The following KCNAB1 variants were observed in gnomAD, a reference collection of about 807,000 sequenced individuals.
KCNAB1 encodes the protein potassium voltage-gated channel subfamily A regulatory beta subunit 1.
KCNAB1 carries 35 observed loss-of-function variants against 64.6 expected under a neutral mutation model. The ratio of observed to expected loss-of-function variants is 0.54; its 90% confidence interval spans 0.41 to 0.72. The LOEUF (loss-of-function observed/expected upper bound fraction) is 0.72, where lower values mean the gene tolerates loss of function less well. Ranked by LOEUF, KCNAB1 falls within the 30% of genes least tolerant of loss-of-function variation. KCNAB1 has a pLI of 0.00. For synonymous variants in KCNAB1, 177 were observed against 183.8 expected (o/e 0.96, Z 0.30); for missense variants, 401 against 512.9 (o/e 0.78, Z 2.11).
rs1713543808 is a variant in KCNAB1, at chr3:156,124,609, ATATT to A, written c.275+3732_275+3735del. Among the ~76,000 whole-genome samples, 4 of 152,248 alleles carry A rather than the reference ATATT, an allele frequency of 2.6e-5. No individual in the cohort carries two copies. The South Asian group carries it at 8.3e-4, about 32-fold the overall frequency. On this transcript the variant is annotated intron_variant, in intron 1 of 13. Transcript: ENST00000490337. The stretch of plus-strand genomic sequence containing the variant: ...CACATATACAGAGATATGCAAATAT[ATATT>A]TATTTATTCTTAATGAATATTATCC...
intron 1 of KCNAB1, among the ~76,000 whole-genome samples, chr3:156,372,045 A>T (rs1282595002): frequency 1.3e-5 from 2 of 152,210 alleles, no homozygotes; most frequent in African/African-American, 4.8e-5. Context: ...GCAGTTACAG[A>T]TTAATTACTT....
intron 8 of KCNAB1, among the ~76,000 whole-genome samples, chr3:156,512,992 C>A (rs1717312189): frequency 6.6e-6 from 1 of 152,224 alleles, no homozygotes; most frequent in African/African-American, 2.4e-5. Flanking sequence ...GTGGGAGGAT[C>A]ACGAGGTCAG....
At chr3:156,258,864 T>C (rs971550507) in intron 1 of KCNAB1, among the ~76,000 whole-genome samples, 1 of 152,194 alleles carries the variant, frequency 6.6e-6, no homozygotes, top group Non-Finnish European at 1.5e-5. Context: ...TGCTGTTGAG[T>C]GAGCCAGCAC....
In KCNAB1 at chr3:156,376,998, ATAAT is replaced by A. The variant is rs1407183741; in HGVS notation, c.276-44614_276-44611del. ...AACAGCAAAAAAAAAGTAAAATAAA[ATAAT>A]TAACCATTGGTTTTCAGAATGAAGC... On this transcript the variant is annotated intron_variant, in intron 1 of 13. Coordinates refer to ENST00000490337, the MANE Select transcript of KCNAB1 (RefSeq NM_172160.3). 5.3e-5 allele frequency among the ~76,000 whole-genome samples: 8 copies of A among 152,326 alleles called. No homozygotes were observed. The South Asian group carries it at 8.3e-4, about 16-fold the overall frequency.
rs149009971 is a variant in KCNAB1 at position 156,453,935 on chromosome 3, T to C, written c.357+999T>C. On this transcript the variant is annotated intron_variant, in intron 3 of 13. Coordinates refer to ENST00000490337, the MANE Select transcript of KCNAB1 (RefSeq NM_172160.3). Reference sequence around the variant, plus strand: ...GAGATGATGCCTGTAAAGTGCTTAGTGGGGTACCTGGCCCAGAATAAGCCC... The same window carrying C: ...GAGATGATGCCTGTAAAGTGCTTAGCGGGGTACCTGGCCCAGAATAAGCCC... 7.2e-4 allele frequency among the ~76,000 whole-genome samples: 110 copies of C among 152,352 alleles called. No individual in the cohort carries two copies. The East Asian group carries it at 0.018, about 25-fold the overall frequency.
intron 1 of KCNAB1, among the ~76,000 whole-genome samples, chr3:156,249,383 C>G (rs1321609165): frequency 6.6e-6 from 1 of 151,816 alleles, no homozygotes; most frequent in East Asian, 1.9e-4. Flanking sequence ...GCCAGCCTGG[C>G]CAACCTGGCG....
intron 1 of KCNAB1, among the ~76,000 whole-genome samples, chr3:156,346,510 A>G (rs1352397330): frequency 6.6e-6 from 1 of 152,182 alleles, no homozygotes; most frequent in Non-Finnish European, 1.5e-5. Flanking sequence ...ACCTGGTGGG[A>G]AGGGGCATAG....
intron 1 of KCNAB1, among the ~76,000 whole-genome samples, chr3:156,161,089 C>T (rs1278703940): frequency 2.6e-5 from 4 of 152,164 alleles, no homozygotes; most frequent in Admixed American, 2.6e-4. Context: ...CTCCTTAAAC[C>T]ACTCCATTTC....
intron 1 of KCNAB1, among the ~76,000 whole-genome samples, chr3:156,412,996 G>A (rs1271947873): frequency 6.6e-6 from 1 of 152,224 alleles, no homozygotes; most frequent in Non-Finnish European, 1.5e-5. Context: ...GGTCTAAAGT[G>A]CTGGAGTTAC....
chr3:156,171,194 T>TACACACACACACACACAC (rs779486541), intron 1 of KCNAB1, among the ~76,000 whole-genome samples: 16 of 147,716 alleles, frequency 1.1e-4, no homozygotes, highest in African/African-American at 4.0e-4. Flanking sequence ...CACGCACACA[T>TACACACACACACACACAC]ACACACACAC....
intron 1 of KCNAB1, among the ~76,000 whole-genome samples, chr3:156,137,552 CTTT>C (rs1249409467): frequency 3.5e-5 from 5 of 142,268 alleles, no homozygotes; most frequent in Non-Finnish European, 3.1e-5. Context: ...CAAACTTCCT[CTTT>C]TTTTTTTTTT....
intron 11 of KCNAB1, among the ~76,000 whole-genome samples, chr3:156,516,936 A>T (rs929898954): frequency 2.6e-5 from 4 of 152,218 alleles, no homozygotes; most frequent in Admixed American, 2.6e-4. Flanking sequence ...AAGCAAAAAG[A>T]TATTCAAGAT....
At chr3:156,522,901 GT>G (rs1347866461) in intron 11 of KCNAB1, among the ~76,000 whole-genome samples, 4 of 152,132 alleles carry the variant, frequency 2.6e-5, no homozygotes, top group African/African-American at 9.7e-5. Context: ...ATTTTTAATT[GT>G]TTTCCCTAAA....
At chr3:156,361,821 G>T (rs1297737886) in intron 1 of KCNAB1, among the ~76,000 whole-genome samples, 1 of 151,948 alleles carries the variant, frequency 6.6e-6, no homozygotes, top group Non-Finnish European at 1.5e-5. Context: ...ACCACACCCA[G>T]CCAATTTTTA....
At chr3:156,437,068 TA>T (rs1716632686) in intron 2 of KCNAB1, among the ~76,000 whole-genome samples, 1 of 152,210 alleles carries the variant, frequency 6.6e-6, no homozygotes, top group African/African-American at 2.4e-5. Flanking sequence ...CTGTCTTGCA[TA>T]TTTTTTTTAA....
chr3:156,539,067 ACT>A (rs1719285226), downstream of KCNAB1: 1 of 151,812 alleles, frequency 6.6e-6, no homozygotes, highest in Admixed American at 6.6e-5. Flanking sequence ...AATTCCACGC[ACT>A]CTTATTATTT....
At position 156,440,031 on chromosome 3, in the gene KCNAB1, C is replaced by T. The variant is rs186685607; in HGVS notation, c.320-12868C>T. On this transcript the variant is annotated intron_variant, in intron 2 of 13. Transcript: ENST00000490337. Reference sequence around the variant, plus strand: ...AGCAACTGCAGGCAATACATGAATACATTGGACATTACTTCTCTGCTCATC... The same window carrying T: ...AGCAACTGCAGGCAATACATGAATATATTGGACATTACTTCTCTGCTCATC... 2.0e-5 allele frequency among the ~76,000 whole-genome samples: 3 copies of T among 152,292 alleles called. No individual in the cohort carries two copies. In the East Asian group the frequency reaches 5.8e-4, roughly 29 times the overall value.
At chr3:156,432,016 C>T (rs1452782206) in intron 2 of KCNAB1, among the ~76,000 whole-genome samples, 1 of 152,184 alleles carries the variant, frequency 6.6e-6, no homozygotes, top group Non-Finnish European at 1.5e-5. Context: ...AAACTGCATT[C>T]TGGGAGTAGG....
chr3:156,380,122 C>T lies in KCNAB1; in HGVS notation c.276-41494C>T, dbSNP rs1462693376. On this transcript the variant is annotated intron_variant, in intron 1 of 13. Transcript: ENST00000490337. Reference sequence around the variant, plus strand: ...AGTCACATTGCAGCAAGTTGGCTTTCTGCTCTCTGACCCCTCCCCATCCAT... The same window carrying T: ...AGTCACATTGCAGCAAGTTGGCTTTTTGCTCTCTGACCCCTCCCCATCCAT... 3.3e-5 allele frequency among the ~76,000 whole-genome samples: 5 copies of T among 152,284 alleles called. No individual in the cohort carries two copies. In the East Asian group the frequency reaches 9.7e-4, roughly 29 times the overall value.
Sources: gnomAD v4.1 joint callset for allele counts (sites outside exome capture counted in the v4.1 genomes callset) on GRCh38, gnomAD v4.1.1 for gene constraint, MANE v1.5 for transcripts, NCBI Gene and HGNC (gene_info 2026-07-23, HGNC 2026-07-21) for gene names.